The following ADCY8 variants were observed in gnomAD, a reference collection of about 807,000 sequenced individuals.
ADCY8 encodes the protein adenylate cyclase 8.
Under a neutral mutation model 119.7 loss-of-function variants are expected in ADCY8, and 51 were observed. The observed-to-expected ratio is 0.43, with a 90% CI of 0.34 to 0.54. The LOEUF is 0.54. Ranked by LOEUF, ADCY8 falls within the 20% of genes least tolerant of loss-of-function variation. ADCY8 has a pLI of 0.03. For missense variants in ADCY8, 1,383 were observed against 1,598.8 expected (o/e 0.87, Z 2.30); for synonymous variants, 665 against 651.0 (o/e 1.02, Z -0.33).
At chr8:130,888,093 A>G (rs1015758018) in intron 7 of ADCY8, among the ~76,000 whole-genome samples, 1 of 152,094 alleles carries the variant, frequency 6.6e-6, no homozygotes, top group African/African-American at 2.4e-5. Flanking sequence ...TGGACCTCCA[A>G]AATGTTGAGA....
At chr8:131,026,753 G>T (rs1006622992) in intron 1 of ADCY8, among the ~76,000 whole-genome samples, 2 of 152,076 alleles carry the variant, frequency 1.3e-5, no homozygotes, top group African/African-American at 4.8e-5. Flanking sequence ...TTAGGGCAGA[G>T]AACTCATTGA....
chr8:130,947,665 G>A (rs192053182), intron 3 of ADCY8, among the ~76,000 whole-genome samples: 2 of 152,172 alleles, frequency 1.3e-5, no homozygotes, highest in Non-Finnish European at 1.5e-5. Flanking sequence ...CTCTAAAAAC[G>A]AGGATTTTTT....
chr8:130,909,024 TCCATCCATCCATCCA>T (rs780693024), intron 6 of ADCY8, among the ~76,000 whole-genome samples: 23 of 94,144 alleles, frequency 2.4e-4, no homozygotes, highest in South Asian at 1.5e-3. Context: ...TCTATCTCCA[TCCATCCATCCATCCA>T]CCATCCATCC....
chr8:130,941,420 TG>T (rs1820952737), intron 4 of ADCY8, among the ~76,000 whole-genome samples: 1 of 152,212 alleles, frequency 6.6e-6, no homozygotes, highest in Non-Finnish European at 1.5e-5. Context: ...ACACCAGAAA[TG>T]CACCTTAATC....
intron 2 of ADCY8, among the ~76,000 whole-genome samples, chr8:130,985,233 A>G (rs1038233930): frequency 6.6e-6 from 1 of 152,178 alleles, no homozygotes; most frequent in Non-Finnish European, 1.5e-5. Context: ...CAGAATATAT[A>G]AAGAGATTAA....
chr8:130,883,215 A>G (rs1450679951), intron 8 of ADCY8, among the ~76,000 whole-genome samples: 1 of 152,238 alleles, frequency 6.6e-6, no homozygotes, highest in Non-Finnish European at 1.5e-5. Flanking sequence ...CTCTGGACAC[A>G]GGTATTTACA....
intron 7 of ADCY8, chr8:130,891,972 T>C (rs187506175): frequency 8.5e-5 from 13 of 152,280 alleles, no homozygotes; most frequent in African/African-American, 3.1e-4. Context: ...ATGCTTACTT[T>C]TCCTTTTATT....
At chr8:130,784,798 G>A (rs7843816) in intron 16 of ADCY8, among the ~76,000 whole-genome samples, 18,534 of 152,166 alleles carry the variant, frequency 0.12, 1,594 homozygotes, top group East Asian at 0.32. Flanking sequence ...AAAAGCATAC[G>A]AAGGATTGGA....
chr8:130,989,074 T>C (rs1822493786), intron 2 of ADCY8, among the ~76,000 whole-genome samples: 1 of 152,236 alleles, frequency 6.6e-6, no homozygotes, highest in East Asian at 1.9e-4. Flanking sequence ...CTCATGTTTA[T>C]TGTACAAGGT....
chr8:130,874,511 A>C (rs2130423700), intron 8 of ADCY8, among the ~76,000 whole-genome samples: 1 of 152,210 alleles, frequency 6.6e-6, no homozygotes, highest in Non-Finnish European at 1.5e-5. Context: ...GAGTGTGCAG[A>C]ATGTCTCACT....
intron 1 of ADCY8, among the ~76,000 whole-genome samples, chr8:131,035,102 T>G (rs1824109455): frequency 6.6e-6 from 1 of 152,174 alleles, no homozygotes; most frequent in Non-Finnish European, 1.5e-5. Flanking sequence ...ATAAATCGAA[T>G]TGGTGATACA....
chr8:130,838,851 C>T lies in ADCY8; in HGVS notation c.2503-2402G>A, dbSNP rs1275054685. ...CAGACATAAAAATACAAACAATAAT[C>T]ATGGTGGAAAGTGCTTTGCCAGCAA... On this transcript the variant is annotated intron_variant, in intron 11 of 17. Coordinates refer to ENST00000286355, the MANE Select transcript of ADCY8 (RefSeq NM_001115.3). Among the ~76,000 whole-genome samples the T allele has an allele frequency of 2.1e-5, 3 of 140,796 alleles. 1 individual carries two copies. Among genetic ancestry groups the T allele is most frequent in the Admixed American group, 7.2e-5 (1 of 13,950 alleles). The allele number at this position is 140,796 out of a possible 152,430, so 92.4% of individuals were successfully genotyped here. A position where few individuals can be genotyped will look rare whatever the true frequency, so the allele number is the denominator to read the frequency against.
intron 12 of ADCY8, 101 bp downstream of exon 12, chr8:130,836,176 A>C: frequency 7.8e-7 from 1 of 1,274,056 alleles, no homozygotes; most frequent in South Asian, 1.5e-5. Flanking sequence ...ATATCCAATC[A>C]GGCCTTAAGT....
At chr8:130,880,613 A>G (rs1818733111) in intron 8 of ADCY8, among the ~76,000 whole-genome samples, 2 of 152,176 alleles carry the variant, frequency 1.3e-5, no homozygotes, top group South Asian at 4.1e-4. Context: ...TGGCAACTGC[A>G]ATAGGTCTCC....
At chr8:131,025,238 T>C (rs570915872) in intron 1 of ADCY8, among the ~76,000 whole-genome samples, 120 of 152,338 alleles carry the variant, frequency 7.9e-4, no homozygotes, top group Middle Eastern at 3.4e-3. Flanking sequence ...ATTTGCAAGG[T>C]ACATTTCATT....
intron 8 of ADCY8, among the ~76,000 whole-genome samples, chr8:130,869,518 G>GTTT (rs141048498): frequency 4.2e-5 from 5 of 118,768 alleles, no homozygotes; most frequent in South Asian, 2.4e-4. Context: ...ATTTTTTTTT[G>GTTT]TTTTTTTGTT....
rs189534930 is a variant in ADCY8, at chr8:130,882,812, G to T, written c.2109+1752C>A. 2.8e-4 allele frequency among the ~76,000 whole-genome samples: 43 copies of T among 152,226 alleles called. 1 individual carries two copies. In the East Asian group the frequency reaches 4.1e-3, roughly 14 times the overall value. ...ATATTCTCTGCTCAGCAGTAACACA[G>T]TCCCTAGAGATGGTCTCAGAGCAAG... is the stretch of plus-strand genomic sequence containing the variant. On this transcript the variant is annotated intron_variant, in intron 8 of 17. Coordinates refer to ENST00000286355, the MANE Select transcript of ADCY8 (RefSeq NM_001115.3).
intron 4 of ADCY8, among the ~76,000 whole-genome samples, chr8:130,940,539 T>C (rs1029082649): frequency 2.6e-5 from 4 of 152,004 alleles, no homozygotes; most frequent in Non-Finnish European, 5.9e-5. Context: ...ATGTAATATA[T>C]ATAATACATT....
At chr8:130,924,695 T>C (rs1820410746) in intron 5 of ADCY8, among the ~76,000 whole-genome samples, 1 of 152,170 alleles carries the variant, frequency 6.6e-6, no homozygotes, top group Non-Finnish European at 1.5e-5. Context: ...CTTCCAGACC[T>C]TCCATTAGTT....
Sources: allele counts gnomAD v4.1 joint callset (sites outside exome capture counted in the v4.1 genomes callset), GRCh38; gene constraint gnomAD v4.1.1; transcripts MANE v1.5; gene names NCBI Gene and HGNC (gene_info 2026-07-23, HGNC 2026-07-21).